The following GSG1L2 variants were observed in gnomAD, a reference collection of about 807,000 sequenced individuals.
GSG1L2 encodes the protein germ cell-specific gene 1-like protein 2.
GSG1L2 carries 15 observed loss-of-function variants against 9.0 expected under a neutral mutation model. The ratio of observed to expected loss-of-function variants is 1.67; its 90% CI spans 1.12 to 2.57. The LOEUF (loss-of-function observed/expected upper bound fraction) is 2.57, where lower values mean the gene tolerates loss of function less well. Among genes scored for constraint, GSG1L2 ranks in the 30% most tolerant of loss-of-function variants. The pLI, the probability that GSG1L2 is intolerant of heterozygous loss-of-function variation, is 0.00. For missense variants in GSG1L2, 286 were observed against 150.3 expected, an observed-to-expected ratio of 1.90 and a Z score of -4.72; for synonymous variants, 127 against 57.9, an observed-to-expected ratio of 2.19 and a Z score of -5.41.
chr17:9,821,971 C>T lies in GSG1L2; in HGVS notation c.101G>A (p.Gly34Glu), dbSNP rs1407661502. Residue 34 changes from glycine to glutamate, a missense_variant, in exon 1 of 5, where the codon GGG becomes GAG. Gly to Glu is a moderately conservative substitution (Grantham distance 98). Transcript: ENST00000399363. ...CAGTGGCTTCACCACCCGTCGGGTCCCCTCACACCAGTGGCTGCTGACCAC... is the reference window on the plus strand; with the variant it reads ...CAGTGGCTTCACCACCCGTCGGGTCTCCTCACACCAGTGGCTGCTGACCAC... ...TAVVSSHWCE[G>E]TRRVVKPLCQ... is the part of the protein sequence containing the mutation. The T allele has an allele frequency of 4.3e-6, 3 of 703,112 alleles. No homozygotes were observed. Among genetic ancestry groups the T allele is most frequent in the Admixed American group, 2.0e-5 (1 of 50,024 alleles). The allele number at this position is 703,112 out of a possible 1,614,324, so 43.6% of individuals were successfully genotyped here. A position where few individuals can be genotyped will look rare whatever the true frequency, so the allele number is the denominator to read the frequency against.
At chr17:9,812,728 C>G (rs933791436) in intron 1 of GSG1L2, among the ~76,000 whole-genome samples, 3 of 152,086 alleles carry the variant, frequency 2.0e-5, no homozygotes, top group African/African-American at 7.2e-5. Flanking sequence ...TCAAGTGATC[C>G]TCCCATCTCA....
At position 9,801,706 on chromosome 17, in the gene GSG1L2, TTTAA is replaced by T. The variant is rs1315397255; in HGVS notation, c.*676_*679del. ...TTTTAGAAGCAAAAGTGGCTGGCGA[TTTAA>T]TTTAAGCAGAACAACTCAAACATGT... On this transcript the variant is annotated 3_prime_UTR_variant, in exon 5 of 5. Transcript: ENST00000399363. 2.0e-5 allele frequency among the ~76,000 whole-genome samples: 3 copies of T among 152,250 alleles called. No homozygotes were observed. The highest frequency in any genetic ancestry group is 3.8e-4 in the East Asian group (2 of 5,202).
In GSG1L2 at chr17:9,821,774, G is replaced by A. The variant is rs28590474; in HGVS notation, c.298C>T (p.Leu100Phe). Residue 100 changes from leucine (L) to phenylalanine (F), a missense_variant, in exon 1 of 5, where the codon CTC becomes TTC. Coordinates refer to ENST00000399363, the MANE Select transcript of GSG1L2 (RefSeq NM_001310219.2). ...VGLWQSCEES[L>F]NGEDEKCRSF... Reference sequence around the variant, plus strand: ...AGGCTTTGCTCACCTTCACCGTTGAGGCTCTCCTCGCAGGACTGCCAGAGC... The same window carrying A: ...AGGCTTTGCTCACCTTCACCGTTGAAGCTCTCCTCGCAGGACTGCCAGAGC... 0.27 allele frequency: 190,157 copies of A among 702,932 alleles called. 30,787 individuals are homozygous for A. The highest frequency in any genetic ancestry group is 0.35 in the Non-Finnish European group (134,441 of 384,798). The allele number at this position is 702,932 out of a possible 1,614,324, so 43.5% of individuals were successfully genotyped here.
intron 4 of GSG1L2, among the ~76,000 whole-genome samples, chr17:9,803,385 G>A (rs149191363): frequency 1.1e-4 from 16 of 152,284 alleles, no homozygotes; most frequent in Non-Finnish European, 1.9e-4. Context: ...TCACAGACAT[G>A]AGCCACCGCG....
intron 1 of GSG1L2, among the ~76,000 whole-genome samples, chr17:9,821,010 A>C (rs565659043): frequency 1.3e-5 from 2 of 152,312 alleles, no homozygotes; most frequent in South Asian, 4.1e-4. Flanking sequence ...CAGGAACAAA[A>C]ATCAAATGCT....
chr17:9,807,331 G>A, intron 4 of GSG1L2, 159 bp downstream of exon 4: 1 of 600,426 alleles, frequency 1.7e-6, no homozygotes, highest in Non-Finnish European at 3.0e-6. Flanking sequence ...TATCGATGAG[G>A]GAATTGGGCT....
rs1460194029 is a variant in GSG1L2 at position 9,809,107 on chromosome 17, C to T, written c.359-125G>A. Reference sequence around the variant, plus strand: ...AAAACAGACACGCTGGAGTGAAAATCACAGATGCCTCTGCTGAATCTTAGC... The same window carrying T: ...AAAACAGACACGCTGGAGTGAAAATTACAGATGCCTCTGCTGAATCTTAGC... On this transcript the variant is annotated intron_variant, in intron 2 of 4. Transcript: ENST00000399363. 38 of 632,880 alleles carry T rather than the reference C, an allele frequency of 6.0e-5. No individual in the cohort carries two copies. The East Asian group carries it at 9.1e-4, about 15-fold the overall frequency. 39.2% of individuals were successfully genotyped at this position (632,880 alleles called of 1,614,324 possible).
intron 1 of GSG1L2, among the ~76,000 whole-genome samples, chr17:9,816,566 A>ATCTG (rs1555566351): frequency 1.3e-5 from 1 of 78,064 alleles, no homozygotes; most frequent in Non-Finnish European, 2.2e-5. Flanking sequence ...GTGCATGCAT[A>ATCTG]TCTGTGTCTG....
At chr17:9,816,608 G>GTGACTGTTTTGCA (rs2066564021) in intron 1 of GSG1L2, among the ~76,000 whole-genome samples, 1 of 36,810 alleles carries the variant, frequency 2.7e-5, no homozygotes, top group African/African-American at 1.1e-4. Context: ...GTGTCTGTGT[G>GTGACTGTTTTGCA]TGTCTGTGTG....
intron 3 of GSG1L2, chr17:9,807,954 G>A (rs1305227630): frequency 4.9e-6 from 1 of 203,078 alleles, no homozygotes; most frequent in African/African-American, 2.3e-5. Context: ...GTACTCGGGA[G>A]GCTGAGGAGG....
In GSG1L2 at chr17:9,816,922, G is replaced by GCCTC. The variant is rs2066569773; in HGVS notation, c.310+4839_310+4840insGAGG. Reference sequence around the variant, plus strand: ...TGTGTGTGTGTATCTGTGTGTGTGTGTGTGTGTGTGTGTGTGTGTAGTAAA... The same window carrying GCCTC: ...TGTGTGTGTGTATCTGTGTGTGTGTGCCTCTGTGTGTGTGTGTGTGTGTAGTAAA... On this transcript the variant is annotated intron_variant, in intron 1 of 4. Coordinates refer to ENST00000399363, the MANE Select transcript of GSG1L2 (RefSeq NM_001310219.2). Among the ~76,000 whole-genome samples, 4 of 148,898 alleles carry GCCTC rather than the reference G, an allele frequency of 2.7e-5. No homozygotes were observed. In the East Asian group the frequency reaches 8.1e-4, roughly 30 times the overall value.
At chr17:9,803,456 A>G (rs191253277) in intron 4 of GSG1L2, among the ~76,000 whole-genome samples, 228 of 152,288 alleles carry the variant, frequency 1.5e-3, no homozygotes, top group African/African-American at 5.1e-3. Context: ...GCATACTGAG[A>G]TGATGGGCTA....
At chr17:9,816,295 G>A (rs182893760) in intron 1 of GSG1L2, among the ~76,000 whole-genome samples, 1 of 152,334 alleles carries the variant, frequency 6.6e-6, no homozygotes, top group Admixed American at 6.5e-5. Flanking sequence ...TTCAGTGTGT[G>A]CTCCTGACAG....
rs1409151450 is a variant in GSG1L2 at position 9,821,855 on chromosome 17, G to T, written c.217C>A (p.Leu73Met). ...TCATCACCCAGCTCCCAAATGTACA[G>T]GACAGCCTGGCTATTGTTGTCCATC... The part of the protein sequence containing the change: ...GRMDNNSQAV[L>M]YIWELGDDKF... Residue 73 changes from leucine to methionine, a missense_variant, in exon 1 of 5, where the codon CTG (leucine) becomes ATG (methionine). Physicochemically the swap from Leu to Met is conservative, Grantham distance 15. Transcript: ENST00000399363. The T allele has an allele frequency of 7.1e-6, 5 of 703,234 alleles. No individual in the cohort carries two copies. The Admixed American group carries it at 1.0e-4, about 14-fold the overall frequency. 43.6% of individuals were successfully genotyped at this position (703,234 alleles called of 1,614,324 possible). A position where few individuals can be genotyped will look rare whatever the true frequency, so the allele number is the denominator to read the frequency against.
chr17:9,812,545 A>C (rs1287914282), intron 1 of GSG1L2, among the ~76,000 whole-genome samples: 1 of 152,132 alleles, frequency 6.6e-6, no homozygotes, highest in Non-Finnish European at 1.5e-5. Flanking sequence ...ACAGCTTTTC[A>C]GATCTGGAGA....
chr17:9,811,537 AGG>A (rs1321086256), intron 1 of GSG1L2, among the ~76,000 whole-genome samples: 1 of 152,212 alleles, frequency 6.6e-6, no homozygotes, highest in Non-Finnish European at 1.5e-5. Flanking sequence ...ATTCTGGTTT[AGG>A]GGGTGACAGA....
At chr17:9,814,669 C>A (rs1041344129) in intron 1 of GSG1L2, among the ~76,000 whole-genome samples, 7 of 152,140 alleles carry the variant, frequency 4.6e-5, no homozygotes, top group African/African-American at 7.2e-5. Flanking sequence ...AAGAAAAAAT[C>A]TTTATAAATC....
At chr17:9,815,475 T>C (rs61528803) in intron 1 of GSG1L2, among the ~76,000 whole-genome samples, 5,340 of 152,238 alleles carry the variant, frequency 0.035, 253 homozygotes, top group East Asian at 0.23. Context: ...TAATCCTTAT[T>C]AAAAAAATCT....
Position 9,822,076 on chromosome 17 carries a change from G to A in GSG1L2, c.-5C>T. On this transcript the variant is annotated 5_prime_UTR_variant, in exon 1 of 5. Transcript: ENST00000399363. ...CTGCTGCTTGGCCCTGTCCATGGCT[G>A]AGTGAGGTGCGTGGGGCAGGATGAG... 2.9e-6 allele frequency: 2 copies of A among 696,670 alleles called. No individual in the cohort carries two copies. The highest frequency in any genetic ancestry group is 2.6e-6 in the Non-Finnish European group (1 of 381,140). 43.2% of individuals were successfully genotyped at this position (696,670 alleles called of 1,614,324 possible). A position where few individuals can be genotyped will look rare whatever the true frequency, so the allele number is the denominator to read the frequency against.
Sources: gnomAD v4.1 joint callset for allele counts (sites outside exome capture counted in the v4.1 genomes callset) on GRCh38, gnomAD v4.1.1 for gene constraint, MANE v1.5 for transcripts, NCBI Gene and HGNC (gene_info 2026-07-23, HGNC 2026-07-21) for gene names.